Variants in ZFP64 observed in about 807,000 individuals in gnomAD.
ZFP64 encodes ZFP64 zinc finger protein, also known as zinc finger protein 64.
A neutral mutation model predicts 51.6 loss-of-function variants in ZFP64; 14 were observed. The observed-to-expected ratio is 0.27, with a 90% confidence interval of 0.18 to 0.42. The LOEUF (loss-of-function observed/expected upper bound fraction) is 0.42. ZFP64 is among the 10% of genes least tolerant of loss of function. The pLI, the probability that ZFP64 is intolerant of heterozygous loss-of-function variation, is 1.00. For missense variants in ZFP64, 754 were observed against 906.8 expected, an observed-to-expected ratio of 0.83 and a Z score of 2.16; for synonymous variants, 375 against 361.4, an observed-to-expected ratio of 1.04 and a Z score of -0.43.
At chr20:52,098,598 G>A (rs369415487) in intron 5 of ZFP64, 2 of 1,613,948 alleles carry the variant, frequency 1.2e-6, no homozygotes, top group African/African-American at 1.3e-5. Flanking sequence ...CTGAAATTGA[G>A]GCATAGTTTT....
chr20:52,174,418 G>T (rs1220136954), intron 2 of ZFP64, among the ~76,000 whole-genome samples: 3 of 147,438 alleles, frequency 2.0e-5, no homozygotes, highest in African/African-American at 7.4e-5. Flanking sequence ...GGGAGGCGGA[G>T]GTTGCAGTGG....
intron 4 of ZFP64, among the ~76,000 whole-genome samples, chr20:52,162,113 C>T (rs1981858956): frequency 6.6e-6 from 1 of 151,734 alleles, no homozygotes; most frequent in Admixed American, 6.6e-5. Context: ...GCCTGGCCAA[C>T]ATGGTGAAAC....
intron 2 of ZFP64, among the ~76,000 whole-genome samples, chr20:52,171,309 T>C (rs972827561): frequency 1.3e-5 from 2 of 152,114 alleles, no homozygotes; most frequent in Non-Finnish European, 2.9e-5. Flanking sequence ...GTTGTTTGCA[T>C]GTGATTTGAT....
At chr20:52,154,971 C>T (rs1042163677) in intron 5 of ZFP64, among the ~76,000 whole-genome samples, 3 of 152,066 alleles carry the variant, frequency 2.0e-5, no homozygotes, top group Non-Finnish European at 4.4e-5. Flanking sequence ...ATGCCATTAC[C>T]CCTTTTTGGC....
chr20:52,148,706 GAA>G (rs11297522), downstream of ZFP64, among the ~76,000 whole-genome samples: 780 of 121,900 alleles, frequency 6.4e-3, 6 homozygotes, highest in African/African-American at 0.02. Flanking sequence ...CTCAAAACAA[GAA>G]AAAAAAAAAA....
chr20:52,100,798 T>TA (rs1287789170), intron 5 of ZFP64, among the ~76,000 whole-genome samples: 1 of 152,156 alleles, frequency 6.6e-6, no homozygotes, highest in East Asian at 1.9e-4. Flanking sequence ...TTTACTCGTT[T>TA]GCAAAAGGAG....
chr20:52,170,766 C>T (rs951613801), intron 2 of ZFP64, among the ~76,000 whole-genome samples: 5 of 152,172 alleles, frequency 3.3e-5, no homozygotes, highest in African/African-American at 1.2e-4. Flanking sequence ...AGGTACTGTA[C>T]TGACTGTGTG....
At chr20:52,156,630 A>G (rs1054204313) in intron 5 of ZFP64, among the ~76,000 whole-genome samples, 1 of 152,222 alleles carries the variant, frequency 6.6e-6, no homozygotes, top group Non-Finnish European at 1.5e-5. Context: ...TTTGTGGGCT[A>G]TTACGCTGCA....
intron 5 of ZFP64, among the ~76,000 whole-genome samples, chr20:52,141,031 C>T (rs1980230446): frequency 2.0e-5 from 3 of 152,268 alleles, no homozygotes; most frequent in Middle Eastern, 3.4e-3. Context: ...GATGACAGCA[C>T]CTCTGTTTAC....
exon 6 of ZFP64, chr20:52,098,492 C>T (rs1448144956): frequency 3.7e-6 from 6 of 1,614,000 alleles, no homozygotes; most frequent in Non-Finnish European, 3.4e-6. Context: ...TGTTCCCTTG[C>T]CTCTGAGGGA....
chr20:52,117,584 A>T, intron 5 of ZFP64: 2 of 452,726 alleles, frequency 4.4e-6, no homozygotes, highest in South Asian at 1.6e-5. Flanking sequence ...GCGCCATTGC[A>T]CTCTAGCCTG....
At chr20:52,093,218 G>A (rs966603529) in intron 7 of ZFP64, among the ~76,000 whole-genome samples, 1 of 151,982 alleles carries the variant, frequency 6.6e-6, no homozygotes, top group African/African-American at 2.4e-5. Flanking sequence ...TTGGTTCACT[G>A]CAACCTGTGC....
At chr20:52,123,787 G>A (rs184213178) in intron 5 of ZFP64, among the ~76,000 whole-genome samples, 78 of 151,766 alleles carry the variant, frequency 5.1e-4, no homozygotes, top group Non-Finnish European at 1.0e-3. Flanking sequence ...GAGTTGACAT[G>A]AGTGACTTCT....
At chr20:52,169,152 T>C (rs1982511915) in intron 2 of ZFP64, among the ~76,000 whole-genome samples, 1 of 152,316 alleles carries the variant, frequency 6.6e-6, no homozygotes. Flanking sequence ...CATAAGGGTG[T>C]TGCAAAGTTT....
intron 5 of ZFP64, among the ~76,000 whole-genome samples, chr20:52,104,369 C>T (rs956305782): frequency 2.0e-5 from 3 of 152,138 alleles, no homozygotes; most frequent in African/African-American, 4.8e-5. Flanking sequence ...TTAAGGTAGC[C>T]GACGATCTCC....
chr20:52,146,375 T>C (rs548696652), downstream of ZFP64, among the ~76,000 whole-genome samples: 1 of 149,240 alleles, frequency 6.7e-6, no homozygotes, highest in South Asian at 2.1e-4. Flanking sequence ...GTGGCACATA[T>C]ACACCATGGA....
rs995595569 is a variant in ZFP64, at chr20:52,143,930, T to C, written c.763+16193A>G. On this transcript the variant is annotated intron_variant, in intron 5 of 8. Transcript: ENST00000361387. ...AGGACTGCAAACAGATTTCGTTTGA[T>C]GGAACACAGCTAATTACTACTCTGG... Among the ~76,000 whole-genome samples, 3 of 143,388 alleles carry C rather than the reference T, an allele frequency of 2.1e-5. 1 individual carries two copies. The Admixed American group carries it at 2.2e-4, about 10-fold the overall frequency. 94.1% of individuals were successfully genotyped at this position (143,388 alleles called of 152,430 possible).
At chr20:52,122,375 C>T (rs1039920552) in intron 5 of ZFP64, among the ~76,000 whole-genome samples, 3 of 151,746 alleles carry the variant, frequency 2.0e-5, no homozygotes, top group Admixed American at 6.6e-5. Context: ...GTGTGGTGGC[C>T]GGCGCCTGTA....
At chr20:52,102,982 G>A (rs1208422233) in intron 5 of ZFP64, among the ~76,000 whole-genome samples, 3 of 152,152 alleles carry the variant, frequency 2.0e-5, no homozygotes, top group East Asian at 1.9e-4. Context: ...AGAGAGGTGG[G>A]TTAAAGGATG....
Sources: allele counts gnomAD v4.1 joint callset (sites outside exome capture counted in the v4.1 genomes callset), GRCh38; gene constraint gnomAD v4.1.1; transcripts MANE v1.5; gene names NCBI Gene and HGNC (gene_info 2026-07-23, HGNC 2026-07-21).